Variants in SHISA6 observed in about 807,000 individuals in gnomAD.
SHISA6 encodes the protein protein shisa-6.
In SHISA6, 22 loss-of-function variants were observed where a neutral mutation model predicts 47.9. The observed-to-expected ratio is 0.46, with a 90% CI of 0.33 to 0.66. SHISA6 has a LOEUF of 0.66. Ranked by LOEUF, SHISA6 falls within the 30% of genes least tolerant of loss-of-function variation. SHISA6 has a pLI of 0.02. For missense variants in SHISA6, 680 were observed against 764.6 expected (o/e 0.89, Z 1.30); for synonymous variants, 388 against 337.8 (o/e 1.15, Z -1.63).
intron 3 of SHISA6, among the ~76,000 whole-genome samples, chr17:11,498,230 T>G (rs963058714): frequency 3.9e-5 from 6 of 152,192 alleles, no homozygotes; most frequent in African/African-American, 1.4e-4. Flanking sequence ...TTGTAGAGTG[T>G]TCACTCCTGA....
intron 2 of SHISA6, among the ~76,000 whole-genome samples, chr17:11,300,693 G>A (rs373378956): frequency 7.5e-4 from 109 of 145,442 alleles, no homozygotes; most frequent in African/African-American, 2.7e-3. Flanking sequence ...TTGTAATTCA[G>A]TGACTGTGGG....
At chr17:11,347,347 G>A (rs1267155675) in intron 2 of SHISA6, among the ~76,000 whole-genome samples, 3 of 152,144 alleles carry the variant, frequency 2.0e-5, no homozygotes. Context: ...AAAGACCAGG[G>A]TGGTCAACAG....
rs1444268516 is a variant in SHISA6 at position 11,560,737 on chromosome 17, C to T, written c.*2433C>T. ...CCAAGCCCTGTCTCTGACAGGGTTT[C>T]TGTCTCTCTCAGGGGTTGTTGATGA... On this transcript the variant is annotated 3_prime_UTR_variant, in exon 6 of 6. Coordinates refer to ENST00000441885, the MANE Select transcript of SHISA6 (RefSeq NM_207386.4). 6.6e-6 allele frequency: 1 copy of T among 152,214 alleles called. No individual in the cohort carries two copies. Among genetic ancestry groups the T allele is most frequent in the African/African-American group, 2.4e-5 (1 of 41,442 alleles). The allele number at this position is 152,214 out of a possible 1,614,324, so 9.4% of individuals were successfully genotyped here.
At chr17:11,308,639 C>T (rs1449357275) in intron 2 of SHISA6, among the ~76,000 whole-genome samples, 5 of 152,186 alleles carry the variant, frequency 3.3e-5, no homozygotes, top group Non-Finnish European at 5.9e-5. Context: ...CAAGTTTGTC[C>T]AGCATGATTT....
chr17:11,352,010 A>T (rs1305292297), intron 2 of SHISA6, among the ~76,000 whole-genome samples: 1 of 152,138 alleles, frequency 6.6e-6, no homozygotes, highest in Non-Finnish European at 1.5e-5. Context: ...ATTGGTATGG[A>T]GATATGCCTC....
intron 2 of SHISA6, among the ~76,000 whole-genome samples, chr17:11,294,584 A>G (rs998295057): frequency 6.6e-6 from 1 of 152,162 alleles, no homozygotes; most frequent in East Asian, 1.9e-4. Context: ...GAGACAATAT[A>G]TATTTTTTTC....
chr17:11,388,844 T>TA (rs1567592187), intron 3 of SHISA6, among the ~76,000 whole-genome samples: 3 of 91,664 alleles, frequency 3.3e-5, no homozygotes, highest in African/African-American at 9.0e-5. Context: ...ATATATATTT[T>TA]AAAAAAGGTA....
chr17:11,319,418 T>A (rs1910638090), intron 2 of SHISA6, among the ~76,000 whole-genome samples: 1 of 152,180 alleles, frequency 6.6e-6, no homozygotes, highest in Non-Finnish European at 1.5e-5. Flanking sequence ...GTGTCTGGTG[T>A]AATAGTCTCT....
chr17:11,452,802 C>T (rs553907369), intron 3 of SHISA6, among the ~76,000 whole-genome samples: 4 of 149,570 alleles, frequency 2.7e-5, no homozygotes, highest in Admixed American at 2.0e-4. Flanking sequence ...CCTTCATCCT[C>T]TCTTTTTTCC....
At position 11,557,746 on chromosome 17, in the gene SHISA6, C is replaced by G. The variant is rs2071995199; in HGVS notation, c.1106-8C>G. ...GTTGCCTTCTCTCACTCTGTCTCTC[C>G]CCTGCAGCCGACAAGGAGGCTGACG... is the stretch of plus-strand genomic sequence containing the variant. On this transcript the variant is annotated splice_polypyrimidine_tract_variant and splice_region_variant and intron_variant, in intron 5 of 5. Transcript: ENST00000441885. 3.9e-6 allele frequency: 6 copies of G among 1,531,166 alleles called. No individual in the cohort carries two copies. The East Asian group carries it at 1.5e-4, about 38-fold the overall frequency. 94.8% of individuals were successfully genotyped at this position (1,531,166 alleles called of 1,614,324 possible).
intron 3 of SHISA6, among the ~76,000 whole-genome samples, chr17:11,415,136 A>G (rs1228772282): frequency 1.3e-5 from 2 of 152,148 alleles, no homozygotes; most frequent in African/African-American, 2.4e-5. Flanking sequence ...TCCAAAGTTC[A>G]TAAGATAATA....
intron 1 of SHISA6, among the ~76,000 whole-genome samples, chr17:11,251,073 A>G (rs754821853): frequency 6.6e-6 from 1 of 152,318 alleles, no homozygotes; most frequent in East Asian, 1.9e-4. Context: ...AAGGTCACAC[A>G]GCTAGTACAT....
At chr17:11,474,277 T>C (rs1916000377) in intron 3 of SHISA6, among the ~76,000 whole-genome samples, 1 of 152,154 alleles carries the variant, frequency 6.6e-6, no homozygotes, top group African/African-American at 2.4e-5. Context: ...AGATAGTATC[T>C]CATTGTGATT....
In SHISA6 at chr17:11,449,816, TC is replaced by T. The variant is rs1358349278; in HGVS notation, c.895+70309del. ...GGTGACAGCTGGCAACCCTCGTTCTTCCTTGGCGATAGATGTTTCACACAAG... is the reference window on the plus strand; with the variant it reads ...GGTGACAGCTGGCAACCCTCGTTCTTCTTGGCGATAGATGTTTCACACAAG... On this transcript the variant is annotated intron_variant, in intron 3 of 5. Coordinates refer to ENST00000441885, the MANE Select transcript of SHISA6 (RefSeq NM_207386.4). Among the ~76,000 whole-genome samples the T allele has an allele frequency of 2.6e-5, 4 of 152,210 alleles. No homozygotes were observed. In the East Asian group the frequency reaches 7.7e-4, roughly 29 times the overall value.
chr17:11,447,790 T>G (rs1255336128), intron 3 of SHISA6, among the ~76,000 whole-genome samples: 1 of 152,164 alleles, frequency 6.6e-6, no homozygotes, highest in Non-Finnish European at 1.5e-5. Context: ...TAAACCCAAC[T>G]GTTTGGTGGC....
intron 2 of SHISA6, among the ~76,000 whole-genome samples, chr17:11,269,510 C>T (rs947716701): frequency 6.6e-6 from 1 of 152,258 alleles, no homozygotes; most frequent in East Asian, 1.9e-4. Flanking sequence ...TAAGAAAGCA[C>T]GGGTGGCTTG....
At chr17:11,424,203 A>G (rs1281484047) in intron 3 of SHISA6, among the ~76,000 whole-genome samples, 1 of 152,228 alleles carries the variant, frequency 6.6e-6, no homozygotes, top group Non-Finnish European at 1.5e-5. Flanking sequence ...TCAAAATCCA[A>G]TGTCACATGT....
At chr17:11,310,837 T>G (rs1031244457) in intron 2 of SHISA6, among the ~76,000 whole-genome samples, 20 of 148,220 alleles carry the variant, frequency 1.3e-4, no homozygotes, top group African/African-American at 2.7e-4. Flanking sequence ...GGCTGGGCGC[T>G]GTGGCTCACG....
intron 3 of SHISA6, among the ~76,000 whole-genome samples, chr17:11,513,710 A>G (rs145689749): frequency 1.2e-4 from 18 of 152,298 alleles, no homozygotes; most frequent in African/African-American, 3.4e-4. Context: ...TGTGCAATCT[A>G]TCTGAACTCA....
Sources: gnomAD v4.1 joint callset for allele counts (sites outside exome capture counted in the v4.1 genomes callset) on GRCh38, gnomAD v4.1.1 for gene constraint, MANE v1.5 for transcripts, NCBI Gene and HGNC (gene_info 2026-07-23, HGNC 2026-07-21) for gene names.